Variants in RUNX1 observed in about 807,000 individuals in gnomAD.
RUNX1 encodes the protein runt-related transcription factor 1.
Under a neutral mutation model 42.8 loss-of-function variants are expected in RUNX1, and 19 were observed. That is an observed-to-expected ratio of 0.44 (90% CI 0.31 to 0.65). The LOEUF is 0.65. Ranked by LOEUF, RUNX1 falls within the 30% of genes least tolerant of loss-of-function variation. RUNX1 has a pLI of 0.07. For missense variants in RUNX1, 528 were observed against 672.0 expected, an observed-to-expected ratio of 0.79 and a Z score of 2.37; for synonymous variants, 271 against 289.4, an observed-to-expected ratio of 0.94 and a Z score of 0.64.
chr21:34,997,249 C>T (rs1425044063), intron 2 of RUNX1, among the ~76,000 whole-genome samples: 1 of 152,210 alleles, frequency 6.6e-6, no homozygotes, highest in East Asian at 1.9e-4. Context: ...GAAACTTTTG[C>T]ATGGCTGTAG....
intron 4 of RUNX1, among the ~76,000 whole-genome samples, chr21:34,881,502 C>T (rs565221528): frequency 1.2e-4 from 18 of 152,234 alleles, no homozygotes; most frequent in African/African-American, 2.9e-4. Context: ...CTCAGAAAGA[C>T]GGGACATTCA....
chr21:34,922,590 A>C (rs1343308380), intron 2 of RUNX1, among the ~76,000 whole-genome samples: 1 of 152,186 alleles, frequency 6.6e-6, no homozygotes, highest in East Asian at 1.9e-4. Flanking sequence ...AGTGATCTAC[A>C]TCACATGGGC....
chr21:34,866,299 A>C (rs1184080360), intron 5 of RUNX1, among the ~76,000 whole-genome samples: 1 of 152,224 alleles, frequency 6.6e-6, no homozygotes, highest in Non-Finnish European at 1.5e-5. Flanking sequence ...AGAGTGAGAA[A>C]GGAAAAATAA....
chr21:34,887,548 G>GT (rs937378216), intron 3 of RUNX1: 4 of 1,127,244 alleles, frequency 3.5e-6, no homozygotes, highest in Non-Finnish European at 4.4e-6. Context: ...ATGCCTGTCA[G>GT]TTTTTTGCAG....
At chr21:35,022,412 A>T (rs543628116) in intron 2 of RUNX1, among the ~76,000 whole-genome samples, 3 of 152,206 alleles carry the variant, frequency 2.0e-5, no homozygotes, top group Non-Finnish European at 4.4e-5. Flanking sequence ...TCCCTAAACC[A>T]GCAGGAGCTG....
At chr21:34,894,010 C>A (rs1329843775) in intron 2 of RUNX1, among the ~76,000 whole-genome samples, 2 of 151,978 alleles carry the variant, frequency 1.3e-5, no homozygotes, top group Non-Finnish European at 2.9e-5. Flanking sequence ...GATTGTGGTT[C>A]ACAAGTAGAT....
chr21:34,907,586 C>T lies in RUNX1; in HGVS notation c.59-14623G>A, dbSNP rs2058233205. 1.3e-5 allele frequency among the ~76,000 whole-genome samples: 2 copies of T among 152,268 alleles called. No homozygotes were observed. The highest frequency in any genetic ancestry group is 4.1e-4 in the South Asian group (2 of 4,822). ...TCTTAGTACTCAATTTGTTACTTGA[C>T]TTGGTGTTTGGCTCCCTGTGACTCT... On this transcript the variant is annotated intron_variant, in intron 2 of 8. Coordinates refer to ENST00000675419, the MANE Select transcript of RUNX1 (RefSeq NM_001754.5). The surrounding 1 kb of genome is among the most constrained non-coding windows in gnomAD (Gnocchi z 5.3).
At chr21:34,988,905 A>G (rs2058912946) in intron 2 of RUNX1, among the ~76,000 whole-genome samples, 1 of 152,082 alleles carries the variant, frequency 6.6e-6, no homozygotes, top group African/African-American at 2.4e-5. Flanking sequence ...TGAGGCCCCC[A>G]CATCCTCAAA....
At chr21:34,793,253 G>A (rs996996822) in intron 8 of RUNX1, among the ~76,000 whole-genome samples, 7 of 152,022 alleles carry the variant, frequency 4.6e-5, no homozygotes. Context: ...CTGCCCAGGA[G>A]GATGGTATAA....
At chr21:34,813,187 G>A (rs574736340) in intron 7 of RUNX1, among the ~76,000 whole-genome samples, 2 of 152,110 alleles carry the variant, frequency 1.3e-5, no homozygotes, top group East Asian at 1.9e-4. Context: ...CATCTAGTAC[G>A]TGGAGGCCAG....
intron 2 of RUNX1, among the ~76,000 whole-genome samples, chr21:35,014,983 T>C (rs1902046607): frequency 6.6e-6 from 1 of 152,228 alleles, no homozygotes; most frequent in South Asian, 2.1e-4. Flanking sequence ...ACAGCTGTCC[T>C]GGTAGGAACT....
In RUNX1 at chr21:34,888,913, C is replaced by T. The variant is rs1019783874; in HGVS notation, c.98-1817G>A. ...AGCCCGGGCGGGGAGTCGGAGGCCACCCCCGCGCCCCGCATCCAAGCCTGC... is the reference window on the plus strand; with the variant it reads ...AGCCCGGGCGGGGAGTCGGAGGCCATCCCCGCGCCCCGCATCCAAGCCTGC... On this transcript the variant is annotated intron_variant, in intron 3 of 8. Coordinates refer to ENST00000675419, the MANE Select transcript of RUNX1 (RefSeq NM_001754.5). 4.3e-4 allele frequency among the ~76,000 whole-genome samples: 65 copies of T among 151,734 alleles called. 1 individual carries two copies. Among genetic ancestry groups the T allele is most frequent in the East Asian group, 3.1e-3 (16 of 5,148 alleles).
At chr21:34,998,659 A>T (rs1029572395) in intron 2 of RUNX1, among the ~76,000 whole-genome samples, 1 of 151,832 alleles carries the variant, frequency 6.6e-6, no homozygotes, top group South Asian at 2.1e-4. Context: ...CTCCTGCCTC[A>T]GCCTCCCGAG....
At chr21:34,951,249 C>T (rs2058605012) in intron 2 of RUNX1, among the ~76,000 whole-genome samples, 1 of 152,114 alleles carries the variant, frequency 6.6e-6, no homozygotes, top group Non-Finnish European at 1.5e-5. Context: ...CCAAAGTGGC[C>T]CCTGTCACTC....
chr21:34,849,267 TA>T (rs199827972), intron 6 of RUNX1, among the ~76,000 whole-genome samples: 1 of 70,572 alleles, frequency 1.4e-5, no homozygotes, highest in African/African-American at 5.5e-5. Context: ...TATATATATA[TA>T]ATATATATAT....
intron 2 of RUNX1, among the ~76,000 whole-genome samples, chr21:34,993,668 G>A (rs537136180): frequency 2.0e-5 from 1 of 50,812 alleles, no homozygotes; most frequent in Non-Finnish European, 4.1e-5. Flanking sequence ...GACACACAGA[G>A]ACACACACAC....
chr21:34,942,547 A>G (rs907505436), intron 2 of RUNX1, among the ~76,000 whole-genome samples: 1 of 152,178 alleles, frequency 6.6e-6, no homozygotes, highest in South Asian at 2.1e-4. Context: ...GGCTTAATTG[A>G]TATTTCCATT....
chr21:34,812,326 A>C (rs2056768588), intron 7 of RUNX1, among the ~76,000 whole-genome samples: 1 of 152,202 alleles, frequency 6.6e-6, no homozygotes, highest in South Asian at 2.1e-4. Context: ...CAAAGAGTTG[A>C]CCTTGATGTG....
intron 8 of RUNX1, among the ~76,000 whole-genome samples, chr21:34,797,717 T>C (rs2056549929): frequency 1.3e-5 from 2 of 152,200 alleles, no homozygotes; most frequent in Admixed American, 6.5e-5. Context: ...GAATGTACCA[T>C]GAAAATATTG....
Sources: gnomAD v4.1 joint callset for allele counts (sites outside exome capture counted in the v4.1 genomes callset) on GRCh38, gnomAD v4.1.1 for gene constraint, Gnocchi (gnomAD v3.1) non-coding constraint, MANE v1.5 for transcripts, NCBI Gene and HGNC (gene_info 2026-07-23, HGNC 2026-07-21) for gene names.